Variants in TMC1 observed in about 807,000 individuals in gnomAD.
TMC1 encodes transmembrane channel-like protein 1.
TMC1 carries 84 observed loss-of-function variants against 105.8 expected under a neutral mutation model. The observed-to-expected ratio is 0.79, with a 90% CI of 0.67 to 0.95. The LOEUF (loss-of-function observed/expected upper bound fraction) is 0.95. Among genes scored for constraint, TMC1 ranks in the 40% least tolerant of loss-of-function variants. TMC1 has a pLI of 0.00. For missense variants in TMC1, 817 were observed against 914.1 expected (o/e 0.89, Z 1.37); for synonymous variants, 315 against 311.5 (o/e 1.01, Z -0.12).
intron 5 of TMC1, among the ~76,000 whole-genome samples, chr9:72,666,426 C>T (rs1174418403): frequency 6.6e-6 from 1 of 152,186 alleles, no homozygotes; most frequent in Non-Finnish European, 1.5e-5. Flanking sequence ...CCTTGTACTT[C>T]CTTCTTCTTT....
At chr9:72,615,993 C>T (rs923206139) in intron 2 of TMC1, among the ~76,000 whole-genome samples, 20 of 152,112 alleles carry the variant, frequency 1.3e-4, no homozygotes, top group Non-Finnish European at 1.0e-4. Flanking sequence ...GGTGATTCCT[C>T]GGCCCTAGCC....
At chr9:72,787,664 C>CATAT (rs1828191801) in intron 13 of TMC1, among the ~76,000 whole-genome samples, 1 of 151,236 alleles carries the variant, frequency 6.6e-6, no homozygotes. Context: ...TATATACACA[C>CATAT]ATATATATAC....
chr9:72,802,159 G>A (rs1230534123), intron 17 of TMC1, among the ~76,000 whole-genome samples: 1 of 152,120 alleles, frequency 6.6e-6, no homozygotes, highest in Non-Finnish European at 1.5e-5. Flanking sequence ...TCAGGTGGCT[G>A]AGACAGGAGG....
chr9:72,648,519 G>A (rs1825751230), intron 4 of TMC1, 78 bp from the exon 5 acceptor site: 3 of 808,774 alleles, frequency 3.7e-6, no homozygotes, highest in South Asian at 1.4e-5. Context: ...ATGGCACCAG[G>A]GGAGCACTTT....
chr9:72,678,293 C>T (rs909086225), intron 5 of TMC1, among the ~76,000 whole-genome samples: 6 of 152,094 alleles, frequency 3.9e-5, no homozygotes, highest in African/African-American at 9.7e-5. Flanking sequence ...AGTAGTCAGT[C>T]TCCTCAGGCA....
intron 13 of TMC1, among the ~76,000 whole-genome samples, chr9:72,785,471 CA>C (rs1272325404): frequency 6.6e-6 from 1 of 152,148 alleles, no homozygotes; most frequent in African/African-American, 2.4e-5. Context: ...CTTATTAGGT[CA>C]AAAACTTTTG....
At chr9:72,790,753 C>T (rs1828252639) in intron 15 of TMC1, among the ~76,000 whole-genome samples, 1 of 152,034 alleles carries the variant, frequency 6.6e-6, no homozygotes, top group Non-Finnish European at 1.5e-5. Flanking sequence ...TTTAAATTTG[C>T]CTTGCATAAG....
At chr9:72,524,275 G>C (rs750042183) in intron 1 of TMC1, among the ~76,000 whole-genome samples, 1 of 152,018 alleles carries the variant, frequency 6.6e-6, no homozygotes, top group Non-Finnish European at 1.5e-5. Context: ...CTGCCCAAAC[G>C]TCTCAAAAAG....
chr9:72,792,613 A>T (rs1354842963), intron 17 of TMC1, among the ~76,000 whole-genome samples: 2 of 152,176 alleles, frequency 1.3e-5, no homozygotes, highest in East Asian at 1.9e-4. Flanking sequence ...GTGCAAAGAG[A>T]TGTTTACTAT....
At chr9:72,659,075 A>T (rs1269500839) in intron 5 of TMC1, among the ~76,000 whole-genome samples, 2 of 152,224 alleles carry the variant, frequency 1.3e-5, no homozygotes, top group Non-Finnish European at 2.9e-5. Context: ...AATCAGAAGA[A>T]ATGGTCAAAA....
chr9:72,769,934 G>A (rs1827898669), intron 12 of TMC1, among the ~76,000 whole-genome samples: 1 of 152,092 alleles, frequency 6.6e-6, no homozygotes, highest in African/African-American at 2.4e-5. Context: ...TGTCACCCTG[G>A]GACAGAGGAA....
intron 5 of TMC1, among the ~76,000 whole-genome samples, chr9:72,658,342 A>C (rs1050558433): frequency 1.6e-4 from 25 of 152,248 alleles, no homozygotes; most frequent in African/African-American, 5.8e-4. Flanking sequence ...TAAAAAAAAA[A>C]AAAAAACTAT....
chr9:72,659,293 C>T (rs1386081513), intron 5 of TMC1, among the ~76,000 whole-genome samples: 1 of 152,146 alleles, frequency 6.6e-6, no homozygotes, highest in Non-Finnish European at 1.5e-5. Context: ...GGATCTTCTG[C>T]CATGTTATCC....
intron 5 of TMC1, among the ~76,000 whole-genome samples, chr9:72,653,379 C>T (rs933985954): frequency 6.6e-6 from 1 of 152,112 alleles, no homozygotes; most frequent in Non-Finnish European, 1.5e-5. Context: ...TGGCAGCACT[C>T]CTTGGGTTTG....
intron 20 of TMC1, among the ~76,000 whole-genome samples, chr9:72,822,503 T>A (rs1828890250): frequency 6.7e-6 from 1 of 149,984 alleles, no homozygotes; most frequent in African/African-American, 2.5e-5. Flanking sequence ...TGAGAAGCTC[T>A]GTTAATTCCG....
chr9:72,580,284 C>CTTTA (rs1297486726), intron 2 of TMC1, among the ~76,000 whole-genome samples: 1 of 152,168 alleles, frequency 6.6e-6, no homozygotes, highest in African/African-American at 2.4e-5. Context: ...TTCCTTGTTT[C>CTTTA]TTTACTCCAA....
Position 72,574,100 on chromosome 9 carries a change from T to C in TMC1, c.-427-3802T>C, listed in dbSNP as rs190575361. ...TGATAATAGCCTCCAGCTCCATCCA[T>C]GTTCCTGCAAAAGCCATGATCTTGT... On this transcript the variant is annotated intron_variant, in intron 1 of 23. Transcript: ENST00000297784. Among the ~76,000 whole-genome samples, 687 of 152,378 alleles carry C rather than the reference T, an allele frequency of 4.5e-3. 6 individuals are homozygous for C. Among genetic ancestry groups the C allele is most frequent in the African/African-American group, 0.016 (659 of 41,582 alleles).
intron 12 of TMC1, among the ~76,000 whole-genome samples, chr9:72,768,086 ATGATAGACTGGATAAAGAAAATGTG>A (rs1827867048): frequency 6.6e-6 from 1 of 152,242 alleles, no homozygotes; most frequent in African/African-American, 2.4e-5. Context: ...ATGCCCATCA[ATGATAGACTGGATAAAGAAAATGTG>A]GCACATATAC....
chr9:72,835,293 C>T (rs1332858728), intron 23 of TMC1, among the ~76,000 whole-genome samples: 2 of 152,176 alleles, frequency 1.3e-5, no homozygotes, highest in African/African-American at 2.4e-5. Context: ...CTCTGTTCAT[C>T]CCACAGTGCT....
Sources: gnomAD v4.1 joint callset for allele counts (sites outside exome capture counted in the v4.1 genomes callset) on GRCh38, gnomAD v4.1.1 for gene constraint, MANE v1.5 for transcripts, NCBI Gene and HGNC (gene_info 2026-07-23, HGNC 2026-07-21) for gene names.